Variants in ASAH2 observed in about 807,000 individuals in gnomAD.
ASAH2 encodes N-acylsphingosine amidohydrolase 2, also known as neutral ceramidase.
A neutral mutation model predicts 82.9 loss-of-function variants in ASAH2; 58 were observed. The ratio of observed to expected loss-of-function variants is 0.70; its 90% CI spans 0.57 to 0.87. ASAH2 has a LOEUF of 0.87. Among genes scored for constraint, ASAH2 ranks in the 40% least tolerant of loss-of-function variants. The pLI is 0.00. For missense variants in ASAH2, 779 were observed against 834.0 expected (o/e 0.93, Z 0.81); for synonymous variants, 276 against 289.7 (o/e 0.95, Z 0.48).
intron 12 of ASAH2, among the ~76,000 whole-genome samples, chr10:50,210,253 C>A (rs886374195): frequency 6.6e-6 from 1 of 152,150 alleles, no homozygotes; most frequent in Non-Finnish European, 1.5e-5. Context: ...GTAATCCCAG[C>A]ACTCTGGGAG....
At chr10:50,220,139 A>G (rs1350317041) in intron 7 of ASAH2, among the ~76,000 whole-genome samples, 20 of 152,368 alleles carry the variant, frequency 1.3e-4, no homozygotes, top group African/African-American at 4.1e-4. Flanking sequence ...AACAAACAAA[A>G]AAAGACTTTT....
rs2133197731 is a variant in ASAH2, at chr10:50,199,009, C to CACACGCACGCGCGCAT, written c.1857+26_1857+41dup. On this transcript the variant is annotated intron_variant, in intron 17 of 20. Transcript: ENST00000682911. ...ACAGACATACACACACACACACACA[C>CACACGCACGCGCGCAT]ACACGCACGCGCGCATGCACGCACA... is the stretch of plus-strand genomic sequence containing the variant. The CACACGCACGCGCGCAT allele has an allele frequency of 3.1e-6, 5 of 1,594,210 alleles. No individual in the cohort carries two copies. In the East Asian group the frequency reaches 1.1e-4, roughly 36 times the overall value.
intron 4 of ASAH2, among the ~76,000 whole-genome samples, chr10:50,239,475 G>A (rs1846238326): frequency 6.6e-6 from 1 of 152,100 alleles, no homozygotes; most frequent in East Asian, 1.9e-4. Flanking sequence ...CTACCTTTTG[G>A]TTCTTTTATT....
At position 50,199,122 on chromosome 10, in the gene ASAH2, T is replaced by C. The variant is rs1419680526; in HGVS notation, c.1786A>G (p.Thr596Ala). Residue 596 changes from threonine (T) to alanine (A), a missense_variant, in exon 17 of 21, where the codon ACA becomes GCA. Physicochemically the swap from Thr to Ala is moderately conservative, Grantham distance 58. Transcript: ENST00000682911. ...GATAATGTGTGCGGTCCATAAATTGTCGATGCTGCCTCATATCGCTGAGCC... is the reference window on the plus strand; with the variant it reads ...GATAATGTGTGCGGTCCATAAATTGCCGATGCTGCCTCATATCGCTGAGCC... ...YQAQRYEAAS[T>A]IYGPHTLSAY... 1.2e-6 allele frequency: 2 copies of C among 1,613,128 alleles called. No individual in the cohort carries two copies. The highest frequency in any genetic ancestry group is 1.7e-5 in the Admixed American group (1 of 59,932).
At chr10:50,241,639 C>A (rs1020267910) in intron 4 of ASAH2, among the ~76,000 whole-genome samples, 1 of 152,066 alleles carries the variant, frequency 6.6e-6, no homozygotes, top group African/African-American at 2.4e-5. Flanking sequence ...GGATCCAACC[C>A]AAATGTCCAT....
At chr10:50,215,811 G>A (rs1416116204) in intron 8 of ASAH2, among the ~76,000 whole-genome samples, 1 of 152,098 alleles carries the variant, frequency 6.6e-6, no homozygotes, top group Admixed American at 6.6e-5. Context: ...CCATTACTGG[G>A]TATATACCCA....
intron 8 of ASAH2, among the ~76,000 whole-genome samples, chr10:50,217,251 G>A (rs1345527054): frequency 1.0e-4 from 13 of 129,750 alleles, no homozygotes; most frequent in Non-Finnish European, 1.3e-4. Context: ...TTTTTGAGAC[G>A]GAGTCTCGCA....
intron 7 of ASAH2, among the ~76,000 whole-genome samples, chr10:50,220,480 C>G (rs1402466303): frequency 1.5e-5 from 1 of 64,972 alleles, no homozygotes; most frequent in Non-Finnish European, 3.5e-5. Context: ...TTTGCCGGAA[C>G]ATAGATGGAG....
At chr10:50,250,714 G>A (rs1284051539) in intron 1 of ASAH2, among the ~76,000 whole-genome samples, 1 of 152,216 alleles carries the variant, frequency 6.6e-6, no homozygotes, top group Non-Finnish European at 1.5e-5. Context: ...GTATGTAAAT[G>A]TGGTCATGTG....
At chr10:50,246,422 A>C (rs1457137612) in intron 2 of ASAH2, among the ~76,000 whole-genome samples, 8 of 152,162 alleles carry the variant, frequency 5.3e-5, no homozygotes, top group Non-Finnish European at 1.0e-4. Flanking sequence ...TATATTCATC[A>C]TTTTGTTTAT....
intron 9 of ASAH2, among the ~76,000 whole-genome samples, chr10:50,214,042 T>C (rs1203392471): frequency 6.6e-6 from 1 of 152,176 alleles, no homozygotes; most frequent in African/African-American, 2.4e-5. Flanking sequence ...ATAGCCTAAC[T>C]TGCTGTCTTT....
intron 16 of ASAH2, among the ~76,000 whole-genome samples, chr10:50,201,978 G>T (rs1361851127): frequency 2.0e-5 from 3 of 152,060 alleles, no homozygotes; most frequent in Admixed American, 2.0e-4. Context: ...TAATTTGTTT[G>T]TTTCCTATAT....
At chr10:50,189,051 GTAACTCA>G (rs1844827904) in intron 20 of ASAH2, among the ~76,000 whole-genome samples, 1 of 145,432 alleles carries the variant, frequency 6.9e-6, no homozygotes, top group South Asian at 2.3e-4. Flanking sequence ...TAGTGTTTTA[GTAACTCA>G]AATGAAGAAT....
chr10:50,229,625 T>A (rs1226324214), intron 7 of ASAH2, among the ~76,000 whole-genome samples: 5 of 152,204 alleles, frequency 3.3e-5, no homozygotes, highest in African/African-American at 1.2e-4. Flanking sequence ...TCATGCCATC[T>A]AATCTCTATT....
intron 7 of ASAH2, among the ~76,000 whole-genome samples, chr10:50,231,800 A>G (rs1423847681): frequency 2.0e-5 from 3 of 152,188 alleles, no homozygotes; most frequent in African/African-American, 7.2e-5. Context: ...AAGAATTTCA[A>G]GCATTCTAAT....
chr10:50,242,330 C>G (rs541087854), intron 4 of ASAH2, among the ~76,000 whole-genome samples: 1 of 152,278 alleles, frequency 6.6e-6, no homozygotes, highest in Admixed American at 6.5e-5. Context: ...TGCTTTTAGG[C>G]CATCTCATTA....
At chr10:50,250,702 G>A (rs973431415) in intron 1 of ASAH2, among the ~76,000 whole-genome samples, 2 of 152,186 alleles carry the variant, frequency 1.3e-5, no homozygotes, top group African/African-American at 4.8e-5. Context: ...CAGGCAGATT[G>A]TGTATGTAAA....
At chr10:50,210,696 C>G (rs1170533133) in intron 12 of ASAH2, 127 bp downstream of exon 12, 1 of 913,422 alleles carries the variant, frequency 1.1e-6, no homozygotes, top group East Asian at 2.4e-5. Flanking sequence ...ATGTACAAAC[C>G]TGGAAAACCA....
At chr10:50,237,009 C>T (rs923891536) in intron 4 of ASAH2, among the ~76,000 whole-genome samples, 1 of 151,876 alleles carries the variant, frequency 6.6e-6, no homozygotes, top group African/African-American at 2.4e-5. Flanking sequence ...AACATTGTTG[C>T]ATAAGGAAAA....
Sources: gnomAD v4.1 joint callset for allele counts (sites outside exome capture counted in the v4.1 genomes callset) on GRCh38, gnomAD v4.1.1 for gene constraint, MANE v1.5 for transcripts, NCBI Gene and HGNC (gene_info 2026-07-23, HGNC 2026-07-21) for gene names.